ATP8A2: variants seen among roughly 807,000 people sequenced by gnomAD.
The protein encoded by ATP8A2 is ATPase phospholipid transporting 8A2.
In ATP8A2, 100 loss-of-function variants were observed where a neutral mutation model predicts 165.6. That is an observed-to-expected ratio of 0.60 (90% CI 0.51 to 0.71). The LOEUF (loss-of-function observed/expected upper bound fraction) is 0.71. ATP8A2 is among the 30% of genes least tolerant of loss of function. The pLI is 0.00. For synonymous variants in ATP8A2, 543 were observed against 548.8 expected, an observed-to-expected ratio of 0.99 and a Z score of 0.15; for missense variants, 1,227 against 1,479.5, an observed-to-expected ratio of 0.83 and a Z score of 2.80.
chr13:25,723,745 C>A (rs1017833531), intron 25 of ATP8A2, among the ~76,000 whole-genome samples: 4 of 152,006 alleles, frequency 2.6e-5, no homozygotes, highest in Middle Eastern at 3.2e-3. Flanking sequence ...GGATTTCTCA[C>A]CCTCTGGGGC....
chr13:25,457,114 G>A (rs1022880), intron 1 of ATP8A2, among the ~76,000 whole-genome samples: 42,446 of 152,054 alleles, frequency 0.28, 6,188 homozygotes, highest in East Asian at 0.39. Context: ...TCTAGAATAC[G>A]TTAATCTTTA....
chr13:25,603,668 A>G (rs538380012), intron 24 of ATP8A2, among the ~76,000 whole-genome samples: 16 of 151,882 alleles, frequency 1.1e-4, no homozygotes, highest in African/African-American at 3.4e-4. Context: ...CTGGGCATAT[A>G]GTATTTTGAT....
intron 24 of ATP8A2, among the ~76,000 whole-genome samples, chr13:25,698,260 G>GT (rs1449615984): frequency 6.7e-6 from 1 of 149,702 alleles, no homozygotes; most frequent in Non-Finnish European, 1.5e-5. Flanking sequence ...GGGTCTCACT[G>GT]TGTTGTCCAG....
At position 25,450,476 on chromosome 13, in the gene ATP8A2, G is replaced by T. The variant is rs143840776; in HGVS notation, c.77-18501G>T. 1.9e-3 allele frequency among the ~76,000 whole-genome samples: 286 copies of T among 152,068 alleles called. 2 individuals carry two copies. Among genetic ancestry groups the T allele is most frequent in the African/African-American group, 6.4e-3 (267 of 41,474 alleles). ...AGTGTTCCTTTTTCTCCACAACTTC[G>T]CAAGGATCTGTTATTTTTTTACTTT... On this transcript the variant is annotated intron_variant, in intron 1 of 36. Transcript: ENST00000381655.
At chr13:25,735,097 T>A (rs541004261) in intron 25 of ATP8A2, among the ~76,000 whole-genome samples, 1 of 152,292 alleles carries the variant, frequency 6.6e-6, no homozygotes, top group East Asian at 1.9e-4. Context: ...ATGGTTCCAT[T>A]CCCCTGTCTT....
At chr13:25,900,280 A>G (rs1379675878) in intron 33 of ATP8A2, among the ~76,000 whole-genome samples, 2 of 152,178 alleles carry the variant, frequency 1.3e-5, no homozygotes, top group East Asian at 3.9e-4. Context: ...CATGGATTAC[A>G]TGTTCAAAAA....
chr13:25,616,424 T>G (rs1414389359), intron 24 of ATP8A2, among the ~76,000 whole-genome samples: 1 of 147,982 alleles, frequency 6.8e-6, no homozygotes. Flanking sequence ...CTCCGCCTCC[T>G]GGGTTCAAGT....
intron 33 of ATP8A2, among the ~76,000 whole-genome samples, chr13:25,940,262 C>G (rs1593594787): frequency 6.6e-6 from 1 of 152,166 alleles, no homozygotes. Context: ...CCTCGCCACC[C>G]TGGAAGCCTC....
At chr13:25,725,689 T>C (rs2043478228) in intron 25 of ATP8A2, among the ~76,000 whole-genome samples, 1 of 152,214 alleles carries the variant, frequency 6.6e-6, no homozygotes, top group Admixed American at 6.5e-5. Flanking sequence ...TGGCGTGCCT[T>C]AGCTGTGGAC....
chr13:25,476,861 T>G (rs1329161784), intron 2 of ATP8A2, among the ~76,000 whole-genome samples: 1 of 152,216 alleles, frequency 6.6e-6, no homozygotes, highest in Non-Finnish European at 1.5e-5. Flanking sequence ...TTATTTTCGA[T>G]GTACCAGCAG....
intron 25 of ATP8A2, among the ~76,000 whole-genome samples, chr13:25,758,719 G>A (rs1173919182): frequency 6.6e-6 from 1 of 152,120 alleles, no homozygotes; most frequent in African/African-American, 2.4e-5. Context: ...CAGGACATTA[G>A]CAGACATATA....
chr13:25,440,580 C>T (rs933958868), intron 1 of ATP8A2, among the ~76,000 whole-genome samples: 3 of 152,070 alleles, frequency 2.0e-5, no homozygotes, highest in Non-Finnish European at 4.4e-5. Flanking sequence ...TGTAAAGGAC[C>T]GAACACCATG....
At chr13:25,513,701 T>C (rs895170250) in intron 2 of ATP8A2, among the ~76,000 whole-genome samples, 6 of 152,038 alleles carry the variant, frequency 3.9e-5, no homozygotes, top group Non-Finnish European at 5.9e-5. Flanking sequence ...CCGTCTGCAA[T>C]CCCGGCACCT....
At position 25,974,224 on chromosome 13, in the gene ATP8A2, G is replaced by C. The variant is rs139132773; in HGVS notation, c.3377+5545G>C. Among the ~76,000 whole-genome samples, 373 of 152,298 alleles carry C rather than the reference G, an allele frequency of 2.4e-3. 1 individual carries two copies. Among genetic ancestry groups the C allele is most frequent in the African/African-American group, 8.3e-3 (347 of 41,566 alleles). ...CTTTGAGGTTTAAATAAATAATGCA[G>C]ATTAAATCTATAGCCTATGTAGATG... On this transcript the variant is annotated intron_variant, in intron 35 of 36. Coordinates refer to ENST00000381655, the MANE Select transcript of ATP8A2 (RefSeq NM_016529.6).
intron 2 of ATP8A2, among the ~76,000 whole-genome samples, chr13:25,480,353 C>G (rs2137577311): frequency 6.6e-6 from 1 of 151,926 alleles, no homozygotes; most frequent in South Asian, 2.1e-4. Flanking sequence ...CTCCTCACTT[C>G]CCAGACTGGG....
chr13:25,434,177 C>T (rs1363177867), intron 1 of ATP8A2, among the ~76,000 whole-genome samples: 1 of 152,054 alleles, frequency 6.6e-6, no homozygotes, highest in East Asian at 1.9e-4. Flanking sequence ...CTCTGTGGTG[C>T]GAGGAATTCT....
chr13:25,558,249 A>T (rs1190217751), intron 13 of ATP8A2, among the ~76,000 whole-genome samples: 1 of 152,182 alleles, frequency 6.6e-6, no homozygotes, highest in East Asian at 1.9e-4. Flanking sequence ...ATGCAGAAAG[A>T]ATCCTGCTTA....
chr13:25,480,415 C>G (rs1420618734), intron 2 of ATP8A2, among the ~76,000 whole-genome samples: 1 of 150,712 alleles, frequency 6.6e-6, no homozygotes, highest in African/African-American at 2.4e-5. Flanking sequence ...GGTTGCCAGG[C>G]GGAGAGTCTC....
At chr13:25,414,789 C>G (rs894034603) in intron 1 of ATP8A2, among the ~76,000 whole-genome samples, 1 of 152,170 alleles carries the variant, frequency 6.6e-6, no homozygotes, top group African/African-American at 2.4e-5. Context: ...GGTTAATTAC[C>G]TAGTGTATAC....
Sources: gnomAD v4.1 joint callset for allele counts (sites outside exome capture counted in the v4.1 genomes callset) on GRCh38, gnomAD v4.1.1 for gene constraint, MANE v1.5 for transcripts, NCBI Gene and HGNC (gene_info 2026-07-23, HGNC 2026-07-21) for gene names.